Variants in CNOT2 observed in about 807,000 individuals in gnomAD.
The protein encoded by CNOT2 is CCR4-NOT transcription complex subunit 2, also known as CC chemokine receptor 4-negative regulator of transcription 2.
Under a neutral mutation model 72.1 loss-of-function variants are expected in CNOT2, and 7 were observed. The observed-to-expected ratio is 0.10, with a 90% CI of 0.06 to 0.18. The LOEUF is 0.18. CNOT2 is among the 10% of genes least tolerant of loss of function. The pLI is 1.00. For synonymous variants in CNOT2, 196 were observed against 225.6 expected, an observed-to-expected ratio of 0.87 and a Z score of 1.17; for missense variants, 345 against 660.3, an observed-to-expected ratio of 0.52 and a Z score of 5.23.
At chr12:70,308,105 A>C (rs1189067300) in intron 2 of CNOT2, among the ~76,000 whole-genome samples, 1 of 152,052 alleles carries the variant, frequency 6.6e-6, no homozygotes, top group Non-Finnish European at 1.5e-5. Flanking sequence ...TGAGGGGTTT[A>C]CTGACCCTCT....
At chr12:70,300,774 G>A (rs1873792448) in intron 2 of CNOT2, among the ~76,000 whole-genome samples, 4 of 152,214 alleles carry the variant, frequency 2.6e-5, no homozygotes, top group Admixed American at 2.6e-4. Flanking sequence ...TTGGTAGCTT[G>A]ATGGGGATGG....
At chr12:70,275,312 ACT>A (rs1037413386) in intron 1 of CNOT2, among the ~76,000 whole-genome samples, 1 of 151,692 alleles carries the variant, frequency 6.6e-6, no homozygotes, top group Non-Finnish European at 1.5e-5. Context: ...CAGCTATTTT[ACT>A]CTGAGATGTT....
chr12:70,280,089 G>A (rs1003653109), intron 2 of CNOT2, among the ~76,000 whole-genome samples: 5 of 152,076 alleles, frequency 3.3e-5, no homozygotes, highest in African/African-American at 1.2e-4. Flanking sequence ...TCAAAGGAAT[G>A]TTCATCACTA....
intron 1 of CNOT2, among the ~76,000 whole-genome samples, chr12:70,248,722 A>C (rs1337720105): frequency 6.6e-6 from 1 of 152,028 alleles, no homozygotes; most frequent in Non-Finnish European, 1.5e-5. Flanking sequence ...GATTTTAGGA[A>C]TATTATGTCT....
intron 15 of CNOT2, among the ~76,000 whole-genome samples, chr12:70,349,066 C>T (rs1473023659): frequency 6.6e-6 from 1 of 151,948 alleles, no homozygotes; most frequent in African/African-American, 2.4e-5. Flanking sequence ...TGAAAACAGG[C>T]AGAATTGTTG....
intron 8 of CNOT2, 76 bp from the exon 9 acceptor site, chr12:70,337,313 G>T (rs1196804638): frequency 1.6e-6 from 2 of 1,284,236 alleles, no homozygotes; most frequent in Admixed American, 1.8e-5. Flanking sequence ...TTATCATGAG[G>T]AAAGTTAACT....
intron 4 of CNOT2, among the ~76,000 whole-genome samples, chr12:70,326,109 T>C (rs1016733514): frequency 3.3e-5 from 5 of 151,844 alleles, no homozygotes; most frequent in Non-Finnish European, 7.4e-5. Context: ...AGATAAGAGG[T>C]AGGAATCTAT....
At chr12:70,260,746 T>C (rs1958702355) in intron 1 of CNOT2, among the ~76,000 whole-genome samples, 1 of 152,158 alleles carries the variant, frequency 6.6e-6, no homozygotes. Flanking sequence ...TTTATGTGTT[T>C]ATAATAATCT....
chr12:70,286,105 A>G (rs1279773577), intron 2 of CNOT2, among the ~76,000 whole-genome samples: 1 of 129,274 alleles, frequency 7.7e-6, no homozygotes, highest in African/African-American at 2.7e-5. Flanking sequence ...TAAATAAGCG[A>G]TCATATTTTC....
At chr12:70,264,355 T>C (rs1232693134) in intron 1 of CNOT2, among the ~76,000 whole-genome samples, 1 of 152,162 alleles carries the variant, frequency 6.6e-6, no homozygotes, top group Non-Finnish European at 1.5e-5. Context: ...GGCTTGAACT[T>C]CTCTACACTC....
At chr12:70,332,736 G>A in intron 6 of CNOT2, 31 bp from the exon 7 acceptor site, 1 of 1,572,854 alleles carries the variant, frequency 6.4e-7, no homozygotes, top group African/African-American at 1.4e-5. Flanking sequence ...TGTTCTTACT[G>A]TATATCTAAA....
chr12:70,266,129 CAG>C (rs1229656722), intron 1 of CNOT2, among the ~76,000 whole-genome samples: 2 of 150,942 alleles, frequency 1.3e-5, no homozygotes, highest in African/African-American at 4.9e-5. Flanking sequence ...ATTTTTCAGA[CAG>C]AGTTCTCTCT....
rs1193452657 is a variant in CNOT2, at chr12:70,321,146, G to A, written c.238+1782G>A. 2.0e-5 allele frequency among the ~76,000 whole-genome samples: 3 copies of A among 151,828 alleles called. No individual in the cohort carries two copies. The Admixed American group carries it at 2.0e-4, about 10-fold the overall frequency. On this transcript the variant is annotated intron_variant, in intron 4 of 15. Coordinates refer to ENST00000229195, the MANE Select transcript of CNOT2 (RefSeq NM_014515.7). ...ACTATATTCCTGTAACATTGGTGAA[G>A]CAACATTTTGAATGTATGGCTTACT...
intron 1 of CNOT2, among the ~76,000 whole-genome samples, chr12:70,255,207 T>TA (rs35057468): frequency 0.18 from 27,267 of 152,032 alleles, 2,771 homozygotes; most frequent in East Asian, 0.44. Flanking sequence ...TAGGGTAAAA[T>TA]ATCATGATAA....
chr12:70,346,389 CTGTTTA>C (rs751336422), intron 15 of CNOT2, 65 bp downstream of exon 15: 33 of 1,380,840 alleles, frequency 2.4e-5, no homozygotes, highest in South Asian at 9.5e-5. Flanking sequence ...CCTCTTTTAT[CTGTTTA>C]TAAGTACCAA....
intron 1 of CNOT2, among the ~76,000 whole-genome samples, chr12:70,272,618 A>T (rs1868270955): frequency 6.6e-6 from 1 of 152,074 alleles, no homozygotes; most frequent in Admixed American, 6.6e-5. Context: ...TAATACTCAC[A>T]ACTTTTGGTT....
Position 70,278,769 on chromosome 12 carries a change from C to T in CNOT2, c.48+495C>T, listed in dbSNP as rs1001423068. On this transcript the variant is annotated intron_variant, in intron 2 of 15. Coordinates refer to ENST00000229195, the MANE Select transcript of CNOT2 (RefSeq NM_014515.7). ...ATTGAATTTGTTATTAGTTTGCTGTCCTTAAATGCTAGATTCTTGTTTTCT... is the reference window on the plus strand; with the variant it reads ...ATTGAATTTGTTATTAGTTTGCTGTTCTTAAATGCTAGATTCTTGTTTTCT... Among the ~76,000 whole-genome samples the T allele has an allele frequency of 7.9e-5, 12 of 151,982 alleles. No homozygotes were observed. In the East Asian group the frequency reaches 1.2e-3, roughly 15 times the overall value.
rs1877678195 is a variant in CNOT2 at position 70,318,197 on chromosome 12, T to C, written c.172-1101T>C. On this transcript the variant is annotated intron_variant, in intron 3 of 15. Transcript: ENST00000229195. ...TTTTGATTGCCACCTTCTTGCTTAA[T>C]ATTATTTTTCTTTTTATTGCTATAG... Among the ~76,000 whole-genome samples the C allele has an allele frequency of 2.0e-5, 3 of 152,040 alleles. No individual in the cohort carries two copies. The South Asian group carries it at 6.2e-4, about 31-fold the overall frequency.
At chr12:70,329,187 T>C (rs572400604) in intron 4 of CNOT2, among the ~76,000 whole-genome samples, 2 of 151,990 alleles carry the variant, frequency 1.3e-5, no homozygotes, top group Admixed American at 6.6e-5. Flanking sequence ...CATAATGAAA[T>C]TGAAATATGA....
Sources: allele counts gnomAD v4.1 joint callset (sites outside exome capture counted in the v4.1 genomes callset), GRCh38; gene constraint gnomAD v4.1.1; transcripts MANE v1.5; gene names NCBI Gene and HGNC (gene_info 2026-07-23, HGNC 2026-07-21).